Variants in RANBP3 observed in about 807,000 individuals in gnomAD.
The protein encoded by RANBP3 is ran-binding protein 3.
In RANBP3, 14 loss-of-function variants were observed where a neutral mutation model predicts 77.3. The ratio of observed to expected loss-of-function variants is 0.18; its 90% CI spans 0.12 to 0.28. The LOEUF is 0.28. Ranked by LOEUF, RANBP3 falls within the 10% of genes least tolerant of loss-of-function variation. The pLI is 1.00. For missense variants in RANBP3, 586 were observed against 752.3 expected (o/e 0.78, Z 2.59); for synonymous variants, 315 against 312.4 (o/e 1.01, Z -0.09).
At chr19:5,938,058 G>C (rs566378904) in intron 5 of RANBP3, among the ~76,000 whole-genome samples, 1 of 152,270 alleles carries the variant, frequency 6.6e-6, no homozygotes, top group African/African-American at 2.4e-5. Flanking sequence ...AGACCAGGTG[G>C]TCGGCTCAAA....
chr19:5,955,410 C>A (rs933326824), intron 2 of RANBP3, among the ~76,000 whole-genome samples: 2 of 152,160 alleles, frequency 1.3e-5, no homozygotes, highest in Non-Finnish European at 2.9e-5. Context: ...GGCCTACTTG[C>A]ATTTTTAAAA....
At position 5,924,684 on chromosome 19, in the gene RANBP3, G is replaced by C. The variant is rs1026007922; in HGVS notation, c.996+143C>G. The C allele has an allele frequency of 8.2e-6, 7 of 849,890 alleles. No homozygotes were observed. Among genetic ancestry groups the C allele is most frequent in the Non-Finnish European group, 1.4e-5 (7 of 511,840 alleles). 52.6% of individuals were successfully genotyped at this position (849,890 alleles called of 1,614,324 possible). The stretch of plus-strand genomic sequence containing the variant: ...CAGTTTTCAGGCTGAGTCTGAGCAG[G>C]GTCTTCCCTCTCTCACTTGCTACTG... On this transcript the variant is annotated intron_variant, in intron 11 of 16. Transcript: ENST00000340578. This position sits in a 1 kb window ranked among gnomAD's most constrained non-coding sequence, Gnocchi z 4.7.
At chr19:5,931,956 G>C (rs2057998464) in intron 7 of RANBP3, among the ~76,000 whole-genome samples, 1 of 152,092 alleles carries the variant, frequency 6.6e-6, no homozygotes, top group Non-Finnish European at 1.5e-5. Context: ...GATCGCTTGA[G>C]CCCAGGAGTT....
At chr19:5,962,683 G>A (rs533465085) in intron 1 of RANBP3, 15 of 455,928 alleles carry the variant, frequency 3.3e-5, no homozygotes, top group Non-Finnish European at 6.2e-5. Flanking sequence ...GCACTAACAT[G>A]TAGAAATGAG....
intron 2 of RANBP3, among the ~76,000 whole-genome samples, chr19:5,954,881 G>A (rs2058317447): frequency 6.6e-6 from 1 of 152,192 alleles, no homozygotes; most frequent in East Asian, 1.9e-4. Flanking sequence ...ACTCCCCAGT[G>A]GCAGAAAGGA....
At position 5,925,609 on chromosome 19, in the gene RANBP3, T is replaced by A. The variant is rs776273875; in HGVS notation, c.917+25A>T. ...GGCCACCTGCATCGCCATGCCAGGC[T>A]GGCCGCTGACACCGAGACACACACC... On this transcript the variant is annotated intron_variant, in intron 10 of 16. Transcript: ENST00000340578. 3 of 1,605,980 alleles carry A rather than the reference T, an allele frequency of 1.9e-6. No homozygotes were observed. The African/African-American group carries it at 4.0e-5, about 22-fold the overall frequency.
intron 5 of RANBP3, chr19:5,935,669 A>G (rs1281651934): frequency 2.2e-6 from 1 of 455,624 alleles, no homozygotes; most frequent in Non-Finnish European, 4.4e-6. Flanking sequence ...AGACTTGGAT[A>G]ATCCCTGCCA....
Position 5,918,754 on chromosome 19 carries a change from G to A in RANBP3, c.1331-116C>T, listed in dbSNP as rs1599714007. On this transcript the variant is annotated intron_variant, in intron 14 of 16. Coordinates refer to ENST00000340578, the MANE Select transcript of RANBP3 (RefSeq NM_007322.3). ...GCGACATCACCGCGCAAAAGCCCATGATCCTCCCAGGACCCACCCACAGAG... is the reference window on the plus strand; with the variant it reads ...GCGACATCACCGCGCAAAAGCCCATAATCCTCCCAGGACCCACCCACAGAG... 1.1e-5 allele frequency: 15 copies of A among 1,344,224 alleles called. No individual in the cohort carries two copies. The East Asian group carries it at 3.5e-4, about 32-fold the overall frequency. The allele number at this position is 1,344,224 out of a possible 1,614,324, so 83.3% of individuals were successfully genotyped here. A position where few individuals can be genotyped will look rare whatever the true frequency, so the allele number is the denominator to read the frequency against.
At position 5,931,509 on chromosome 19, in the gene RANBP3, C is replaced by A. The variant is rs745905078; in HGVS notation, c.588G>T (p.Gly196=). Residue 196 remains glycine (G), a synonymous_variant, in exon 8 of 17, where the codon GGG becomes GGT. Coordinates refer to ENST00000340578, the MANE Select transcript of RANBP3 (RefSeq NM_007322.3). ...SQTVPSSGTN[G]VSLPADCTGA... is the part of the protein sequence containing the mutation. ...CCGTGCAGTCTGCTGGGAGGCTGAC[C>A]CCGTTGGTGCCACTGCTGGGGACTG... The A allele has an allele frequency of 4.3e-6, 7 of 1,610,822 alleles. No individual in the cohort carries two copies. Among genetic ancestry groups the A allele is most frequent in the Non-Finnish European group, 4.2e-6 (5 of 1,178,080 alleles).
At chr19:5,918,718 C>T (rs1225354226) in intron 14 of RANBP3, 80 bp from the exon 15 acceptor site, 1 of 1,529,886 alleles carries the variant, frequency 6.5e-7, no homozygotes, top group African/African-American at 1.4e-5. Flanking sequence ...CCAACACAGT[C>T]CAGATGGAAA....
At chr19:5,975,594 A>G (rs954955972) in intron 1 of RANBP3, among the ~76,000 whole-genome samples, 2 of 149,864 alleles carry the variant, frequency 1.3e-5, no homozygotes, top group Non-Finnish European at 3.0e-5. Context: ...ATCAGTGATC[A>G]TAACATAAAA....
At chr19:5,957,886 C>A (rs759671582) in intron 2 of RANBP3, 32 bp downstream of exon 2, 6 of 1,610,304 alleles carry the variant, frequency 3.7e-6, no homozygotes, top group Non-Finnish European at 5.1e-6. Flanking sequence ...ATTAGAGTAA[C>A]GAAGTGAAGA....
At position 5,958,893 on chromosome 19, in the gene RANBP3, G is replaced by A. The variant is rs1199953331; in HGVS notation, c.23-920C>T. ...GCTGTGACTCTGGTGAATGCCTGCT[G>A]TGGGCTGCGGGCTGCGCACTGGTGC... On this transcript the variant is annotated intron_variant, in intron 1 of 16. Coordinates refer to ENST00000340578, the MANE Select transcript of RANBP3 (RefSeq NM_007322.3). The surrounding 1 kb of genome is among the most constrained non-coding windows in gnomAD (Gnocchi z 4.4). Among the ~76,000 whole-genome samples the A allele has an allele frequency of 1.3e-5, 2 of 152,282 alleles. No individual in the cohort carries two copies. The highest frequency in any genetic ancestry group is 2.4e-5 in the African/African-American group (1 of 41,482).
At chr19:5,974,145 C>T (rs952290625) in intron 1 of RANBP3, among the ~76,000 whole-genome samples, 2 of 152,128 alleles carry the variant, frequency 1.3e-5, no homozygotes, top group Admixed American at 6.6e-5. Context: ...AGGATGCTAC[C>T]GTGCTGCTAA....
intron 16 of RANBP3, 47 bp from the exon 17 acceptor site, chr19:5,917,700 C>T (rs1265591454): frequency 1.9e-6 from 3 of 1,593,296 alleles, no homozygotes; most frequent in Admixed American, 3.4e-5. Context: ...CCGCACTTCC[C>T]AGGTCTGGCC....
At chr19:5,937,313 G>GT (rs2058080260) in intron 5 of RANBP3, among the ~76,000 whole-genome samples, 1 of 152,124 alleles carries the variant, frequency 6.6e-6, no homozygotes. Context: ...AAGGGGACAA[G>GT]TGAGTACTGT....
In RANBP3 at chr19:5,923,281, G is replaced by T; in HGVS notation, c.1122C>A (p.Ala374=). ...TCCGCGCTGTTGCCTTGGTGTAGGC[G>T]GCTGCCGACTCAGCCAGGGACTCTG... The part of the protein sequence containing the change: ...PEKESLAESA[A]AYTKATARKC... The change falls in exon 13 of 17, where the codon GCC becomes GCA. Residue 374 remains alanine, a synonymous_variant. Transcript: ENST00000340578. 6.2e-7 allele frequency: 1 copy of T among 1,614,190 alleles called. No homozygotes were observed. The highest frequency in any genetic ancestry group is 8.5e-7 in the Non-Finnish European group (1 of 1,180,042).
intron 8 of RANBP3, among the ~76,000 whole-genome samples, chr19:5,930,236 T>C (rs2057971121): frequency 6.6e-6 from 1 of 152,226 alleles, no homozygotes; most frequent in South Asian, 2.1e-4. Context: ...GTGGAAATGA[T>C]CCCTATTTCC....
At chr19:5,949,989 C>T (rs1007958037) in intron 3 of RANBP3, among the ~76,000 whole-genome samples, 1 of 152,150 alleles carries the variant, frequency 6.6e-6, no homozygotes, top group African/African-American at 2.4e-5. Flanking sequence ...AACCCAGGCA[C>T]CTGCAGAAGG....
Sources: allele counts gnomAD v4.1 joint callset (sites outside exome capture counted in the v4.1 genomes callset), GRCh38; gene constraint gnomAD v4.1.1; non-coding constraint Gnocchi (gnomAD v3.1); transcripts MANE v1.5; gene names NCBI Gene and HGNC (gene_info 2026-07-23, HGNC 2026-07-21).